GGA1: variants seen among roughly 807,000 people sequenced by gnomAD.
GGA1 encodes the protein golgi associated, gamma adaptin ear containing, ARF binding protein 1, also known as ADP-ribosylation factor-binding protein GGA1.
A neutral mutation model predicts 76.9 loss-of-function variants in GGA1; 18 were observed. The ratio of observed to expected loss-of-function variants is 0.23; its 90% CI spans 0.16 to 0.35. The LOEUF (loss-of-function observed/expected upper bound fraction) is 0.35. Ranked by LOEUF, GGA1 falls within the 10% of genes least tolerant of loss-of-function variation. The pLI is 1.00. For synonymous variants in GGA1, 342 were observed against 354.7 expected (o/e 0.96, Z 0.40); for missense variants, 755 against 859.0 (o/e 0.88, Z 1.51).
chr22:37,617,085 T>A, intron 3 of GGA1, 88 bp downstream of exon 3: 1 of 1,547,452 alleles, frequency 6.5e-7, no homozygotes, highest in Non-Finnish European at 8.7e-7. Flanking sequence ...TCCATAAGGC[T>A]CTTCAGAGCC....
intron 2 of GGA1, among the ~76,000 whole-genome samples, chr22:37,615,388 G>C (rs1008695350): frequency 6.6e-6 from 1 of 152,072 alleles, no homozygotes; most frequent in African/African-American, 2.4e-5. Context: ...GGTAGAAGTT[G>C]CAGTGAGCCA....
At chr22:37,609,526 C>G (rs550867565) in intron 1 of GGA1, among the ~76,000 whole-genome samples, 1 of 152,342 alleles carries the variant, frequency 6.6e-6, no homozygotes, top group African/African-American at 2.4e-5. Context: ...AGCTCCCTGT[C>G]ACTCCCTTCA....
In GGA1 at chr22:37,618,459, A is replaced by G. The variant is rs755131018; in HGVS notation, c.216A>G (p.Thr72=). The G allele has an allele frequency of 1.9e-6, 3 of 1,610,468 alleles. No individual in the cohort carries two copies. The highest frequency in any genetic ancestry group is 2.5e-6 in the Non-Finnish European group (3 of 1,176,776). ...CCCTCCCTGCACAGGTGCTGGAAAC[A>G]TGCATGAAGAGCTGCGGCAAGCGGT... is the stretch of plus-strand genomic sequence containing the variant. ...EAIQALTVLE[T]CMKSCGKRFH... is the part of the protein sequence containing the mutation. Residue 72 remains threonine (T), a synonymous_variant, in exon 4 of 17, where the codon ACA becomes ACG. Transcript: ENST00000343632.
In GGA1 at chr22:37,624,837, A is replaced by G; in HGVS notation, c.833-132A>G. ...CGGAGGGCCAGAGTCTCAGCAGACG[A>G]GATGGGCTGTTTCCCTGCCCCTTTC... On this transcript the variant is annotated intron_variant, in intron 9 of 16. Transcript: ENST00000343632. This position sits in a 1 kb window ranked among gnomAD's most constrained non-coding sequence, Gnocchi z 4.3. 3 of 1,261,480 alleles carry G rather than the reference A, an allele frequency of 2.4e-6. No individual in the cohort carries two copies. The highest frequency in any genetic ancestry group is 2.6e-5 in the East Asian group (1 of 38,450). The allele number at this position is 1,261,480 out of a possible 1,614,324, so 78.1% of individuals were successfully genotyped here.
chr22:37,609,250 G>C (rs1023775236), intron 1 of GGA1: 2 of 1,175,672 alleles, frequency 1.7e-6, no homozygotes, highest in African/African-American at 3.3e-5. Context: ...GAAGGAGCAC[G>C]CGAGCGGTTC....
At chr22:37,610,123 C>T (rs190722357) in intron 1 of GGA1, 1 of 152,418 alleles carries the variant, frequency 6.6e-6, no homozygotes, top group Admixed American at 6.5e-5. Flanking sequence ...AGACACAGGT[C>T]TTGAGCTGTG....
At position 37,625,744 on chromosome 22, in the gene GGA1, C is replaced by CT; in HGVS notation, c.941-52dup. 4 of 1,410,788 alleles carry CT rather than the reference C, an allele frequency of 2.8e-6. No homozygotes were observed. Among genetic ancestry groups the CT allele is most frequent in the Non-Finnish European group, 3.8e-6 (4 of 1,054,426 alleles). 87.4% of individuals were successfully genotyped at this position (1,410,788 alleles called of 1,614,324 possible). A position where few individuals can be genotyped will look rare whatever the true frequency, so the allele number is the denominator to read the frequency against. ...TGCTCCCCCGCAACCCCTGTGGACT[C>CT]TGAGAGACACGTGTACACCCAGGAC... is the stretch of plus-strand genomic sequence containing the variant. On this transcript the variant is annotated intron_variant, in intron 10 of 16. Transcript: ENST00000343632. This position sits in a 1 kb window ranked among gnomAD's most constrained non-coding sequence, Gnocchi z 4.1.
Position 37,621,701 on chromosome 22 carries a change from C to T in GGA1, c.609+5C>T, listed in dbSNP as rs1338557668. ...ATCAAAGAGATGGTGCAGGAGGTAG[C>T]GGCCGAGCCCAGAGCACAGGGAGGA... On this transcript the variant is annotated splice_donor_5th_base_variant and intron_variant, in intron 7 of 16. Coordinates refer to ENST00000343632, the MANE Select transcript of GGA1 (RefSeq NM_013365.5). 4.5e-6 allele frequency: 7 copies of T among 1,549,166 alleles called. No individual in the cohort carries two copies. The highest frequency in any genetic ancestry group is 6.1e-6 in the Non-Finnish European group (7 of 1,143,912).
intron 1 of GGA1, among the ~76,000 whole-genome samples, chr22:37,609,914 T>G (rs1927189207): frequency 1.3e-5 from 2 of 152,198 alleles, no homozygotes; most frequent in Admixed American, 1.3e-4. Flanking sequence ...AAGCCAGGCT[T>G]GAGCAGAGTT....
At chr22:37,628,427 T>C (rs1931235236) in intron 11 of GGA1, among the ~76,000 whole-genome samples, 1 of 152,160 alleles carries the variant, frequency 6.6e-6, no homozygotes, top group Non-Finnish European at 1.5e-5. Flanking sequence ...GGCAGAGTTG[T>C]GTTCAAATGC....
chr22:37,626,061 G>A, intron 11 of GGA1, 112 bp downstream of exon 11: 1 of 805,360 alleles, frequency 1.2e-6, no homozygotes, highest in South Asian at 2.3e-5. Flanking sequence ...GATCCTGTGG[G>A]GCACGTGGAT....
At position 37,623,748 on chromosome 22, in the gene GGA1, C is replaced by A; in HGVS notation, c.832+115C>A. On this transcript the variant is annotated intron_variant, in intron 9 of 16. Transcript: ENST00000343632. The surrounding 1 kb of genome is among the most constrained non-coding windows in gnomAD (Gnocchi z 4.6). ...GTTGGAAGGAGCCACCACCAGGGGG[C>A]CCCCTTCTCCAGCACCGACCTTGGG... 1.4e-6 allele frequency: 1 copy of A among 731,306 alleles called. No homozygotes were observed. 45.3% of individuals were successfully genotyped at this position (731,306 alleles called of 1,614,324 possible).
chr22:37,616,399 A>G (rs1928802346), intron 2 of GGA1, among the ~76,000 whole-genome samples: 1 of 152,172 alleles, frequency 6.6e-6, no homozygotes, highest in South Asian at 2.1e-4. Context: ...CTCCTCACAC[A>G]TGACCAGTTC....
chr22:37,621,453 T>C (rs995921514), intron 6 of GGA1, among the ~76,000 whole-genome samples, 163 bp from the exon 7 acceptor site: 1 of 152,218 alleles, frequency 6.6e-6, no homozygotes, highest in Admixed American at 6.5e-5. Context: ...CGCTGGCCTG[T>C]GGCCACCCTA....
chr22:37,613,259 C>A, intron 1 of GGA1: 2 of 711,852 alleles, frequency 2.8e-6, no homozygotes, highest in Non-Finnish European at 3.4e-6. Context: ...ATCTTTCCTG[C>A]CCATACAGCC....
Position 37,623,640 on chromosome 22 carries a change from C to G in GGA1, c.832+7C>G, listed in dbSNP as rs774382219. The G allele has an allele frequency of 4.7e-5, 73 of 1,559,764 alleles. No individual in the cohort carries two copies. Among genetic ancestry groups the G allele is most frequent in the Non-Finnish European group, 6.2e-5 (71 of 1,148,852 alleles). On this transcript the variant is annotated splice_region_variant and intron_variant, in intron 9 of 16. Transcript: ENST00000343632. This position sits in a 1 kb window ranked among gnomAD's most constrained non-coding sequence, Gnocchi z 4.6. Reference sequence around the variant, plus strand: ...GACAATGATGAGGCCTTAGGTGAGCCCAGGGCAGGTGCTGAGGTCAGGTCC... The same window carrying G: ...GACAATGATGAGGCCTTAGGTGAGCGCAGGGCAGGTGCTGAGGTCAGGTCC...
rs1476032103 is a variant in GGA1, at chr22:37,608,835, G to A, written c.-26G>A. On this transcript the variant is annotated 5_prime_UTR_variant, in exon 1 of 17. It adds an upstream start codon to the 5' untranslated region. Coordinates refer to ENST00000343632, the MANE Select transcript of GGA1 (RefSeq NM_013365.5). ...GAGAGCTGCGGGGGGCGGGGGGGCG[G>A]TGCCGAGGCTGGGGGCCGGTGGCGG... The A allele has an allele frequency of 3.8e-6, 5 of 1,305,334 alleles. No individual in the cohort carries two copies. The highest frequency in any genetic ancestry group is 1.6e-5 in the African/African-American group (1 of 64,468). 80.9% of individuals were successfully genotyped at this position (1,305,334 alleles called of 1,614,324 possible).
At position 37,632,072 on chromosome 22, in the gene GGA1, A is replaced by T. The variant is rs1346799759; in HGVS notation, c.1605A>T (p.Pro535=). 4 of 1,613,560 alleles carry T rather than the reference A, an allele frequency of 2.5e-6. No individual in the cohort carries two copies. The highest frequency in any genetic ancestry group is 3.4e-6 in the Non-Finnish European group (4 of 1,179,906). The change falls in exon 15 of 17, where the codon CCA becomes CCT. Residue 535 remains proline, a synonymous_variant. Coordinates refer to ENST00000343632, the MANE Select transcript of GGA1 (RefSeq NM_013365.5). This position sits in a 1 kb window ranked among gnomAD's most constrained non-coding sequence, Gnocchi z 5.1. ...ILFHFARDPL[P]GRSDVLVVVV... is the part of the protein sequence containing the mutation. ...TCCATTTTGCCCGGGACCCACTGCC[A>T]GGGCGCTCCGACGTGCTGGTGGTGG...
At chr22:37,622,689 A>G (rs1930114242) in intron 7 of GGA1, among the ~76,000 whole-genome samples, 1 of 152,176 alleles carries the variant, frequency 6.6e-6, no homozygotes, top group African/African-American at 2.4e-5. Flanking sequence ...GCTGAAAAAA[A>G]AGTTTCAAAG....
Sources: allele counts gnomAD v4.1 joint callset (sites outside exome capture counted in the v4.1 genomes callset), GRCh38; gene constraint gnomAD v4.1.1; non-coding constraint Gnocchi (gnomAD v3.1); transcripts MANE v1.5; gene names NCBI Gene and HGNC (gene_info 2026-07-23, HGNC 2026-07-21).